ODAD2: variants seen among roughly 807,000 people sequenced by gnomAD.
ODAD2 encodes outer dynein arm docking complex subunit 2.
Under a neutral mutation model 106.8 loss-of-function variants are expected in ODAD2, and 89 were observed. The observed-to-expected ratio is 0.83, with a 90% CI of 0.70 to 0.99. The LOEUF is 0.99. ODAD2 is among the 50% of genes least tolerant of loss of function. The pLI, the probability that ODAD2 is intolerant of heterozygous loss-of-function variation, is 0.00. For missense variants in ODAD2, 1,168 were observed against 1,238.5 expected (o/e 0.94, Z 0.85); for synonymous variants, 404 against 436.2 (o/e 0.93, Z 0.92).
intron 7 of ODAD2, 129 bp from the exon 8 acceptor site, chr10:27,971,442 G>T: frequency 1.4e-6 from 1 of 731,904 alleles, no homozygotes. Flanking sequence ...CTTAGTAACA[G>T]CTAAACAAGG....
intron 16 of ODAD2, among the ~76,000 whole-genome samples, chr10:27,931,483 G>C (rs1845615837): frequency 6.6e-6 from 1 of 151,590 alleles, no homozygotes; most frequent in South Asian, 2.1e-4. Flanking sequence ...CACTTCACTT[G>C]TCTGTCTACC....
chr10:27,994,292 C>A (rs566163184), intron 2 of ODAD2, among the ~76,000 whole-genome samples: 1 of 152,016 alleles, frequency 6.6e-6, no homozygotes, highest in South Asian at 2.1e-4. Flanking sequence ...CCCCTCCCCG[C>A]CGCCTCCTGC....
intron 17 of ODAD2, among the ~76,000 whole-genome samples, chr10:27,868,566 C>T (rs534918526): frequency 7.9e-5 from 12 of 152,208 alleles, no homozygotes; most frequent in South Asian, 2.1e-4. Flanking sequence ...TCATCCTCAG[C>T]GAACTAACAC....
chr10:27,858,230 G>T (rs1231162101), intron 19 of ODAD2, among the ~76,000 whole-genome samples: 6 of 151,948 alleles, frequency 3.9e-5, no homozygotes, highest in Non-Finnish European at 8.8e-5. Context: ...CCTCCTTAAA[G>T]AAAACCAGAG....
chr10:27,897,842 C>G (rs180738680), intron 17 of ODAD2, among the ~76,000 whole-genome samples: 1 of 152,000 alleles, frequency 6.6e-6, no homozygotes, highest in Non-Finnish European at 1.5e-5. Context: ...AGAAATGGAA[C>G]AGGAAGAAGC....
At chr10:27,970,992 A>T (rs1848814061) in intron 8 of ODAD2, 116 bp downstream of exon 8, 1 of 373,390 alleles carries the variant, frequency 2.7e-6, no homozygotes, top group African/African-American at 2.5e-5. Flanking sequence ...ATAAATAAAT[A>T]AATAAATAAA....
intron 3 of ODAD2, 57 bp from the exon 4 acceptor site, chr10:27,985,268 A>C (rs1849810744): frequency 1.1e-5 from 15 of 1,325,480 alleles, no homozygotes; most frequent in Non-Finnish European, 1.4e-5. Context: ...CTTCTAGTAC[A>C]ACAAACATTA....
At chr10:27,861,699 T>C (rs1396398192) in intron 18 of ODAD2, among the ~76,000 whole-genome samples, 1 of 152,244 alleles carries the variant, frequency 6.6e-6, no homozygotes, top group African/African-American at 2.4e-5. Context: ...ATGCAGACGA[T>C]ATCCTTCTTT....
At chr10:27,894,844 T>A (rs1842764331) in intron 17 of ODAD2, among the ~76,000 whole-genome samples, 7 of 152,110 alleles carry the variant, frequency 4.6e-5, no homozygotes, top group Admixed American at 4.6e-4. Context: ...GGGTCACAGG[T>A]GTGAGCCACT....
At chr10:27,845,489 G>A (rs1303772671) in intron 19 of ODAD2, among the ~76,000 whole-genome samples, 1 of 152,158 alleles carries the variant, frequency 6.6e-6, no homozygotes, top group South Asian at 2.1e-4. Context: ...AAAGACCATC[G>A]ATGCTAGGAA....
rs1480701009 is a variant in ODAD2, at chr10:27,841,826, C to T, written c.3021+18799G>A. ...CTGGAGTATGGTAGTGCATTCACAG[C>T]TCACTGCAGCCTCGACCTCCCAGGC... On this transcript the variant is annotated intron_variant, in intron 19 of 19. Transcript: ENST00000305242. Among the ~76,000 whole-genome samples, 5 of 152,244 alleles carry T rather than the reference C, an allele frequency of 3.3e-5. No individual in the cohort carries two copies. The South Asian group carries it at 6.2e-4, about 19-fold the overall frequency.
chr10:27,964,718 T>C (rs1385580583), intron 9 of ODAD2, among the ~76,000 whole-genome samples: 4 of 152,154 alleles, frequency 2.6e-5, no homozygotes, highest in Non-Finnish European at 4.4e-5. Context: ...ATTACCTAAG[T>C]TCCCATTATT....
intron 10 of ODAD2, among the ~76,000 whole-genome samples, chr10:27,949,372 G>A (rs892952091): frequency 3.9e-5 from 6 of 152,136 alleles, no homozygotes; most frequent in Admixed American, 2.6e-4. Context: ...CATGGGGCAG[G>A]GGCATGGAGC....
At chr10:27,934,743 G>C (rs1845845326) in intron 16 of ODAD2, among the ~76,000 whole-genome samples, 1 of 152,062 alleles carries the variant, frequency 6.6e-6, no homozygotes, top group Non-Finnish European at 1.5e-5. Flanking sequence ...GAAAAGTTTT[G>C]TTGACTGAAT....
At position 27,939,882 on chromosome 10, in the gene ODAD2, G is replaced by A. The variant is rs1320756021; in HGVS notation, c.2097+15C>T. On this transcript the variant is annotated intron_variant, in intron 14 of 19. Coordinates refer to ENST00000305242, the MANE Select transcript of ODAD2 (RefSeq NM_018076.5). ...GAGAAAGAACGCCAACAACCGCTGG[G>A]AGAGTTCACTGCACCTGGTAAATGG... 6.5e-7 allele frequency: 1 copy of A among 1,530,184 alleles called. No individual in the cohort carries two copies. 94.8% of individuals were successfully genotyped at this position (1,530,184 alleles called of 1,614,324 possible).
Position 27,936,744 on chromosome 10 carries a change from C to T in ODAD2, c.2234G>A (p.Ser745Asn). 1 of 1,613,996 alleles carries T rather than the reference C, an allele frequency of 6.2e-7. No homozygotes were observed. Among genetic ancestry groups the T allele is most frequent in the Non-Finnish European group, 8.5e-7 (1 of 1,179,918 alleles). The stretch of plus-strand genomic sequence containing the variant: ...CTCTTACTTGGTAACATTCTCTTTG[C>T]TGATGGAACATTTCCATATAGCCCC... Reference protein sequence around the residue: ...VTGAIWKCSISKENVTKFREY... With the variant: ...VTGAIWKCSINKENVTKFREY... The change falls in exon 15 of 20, where the codon AGC (serine) becomes AAC (asparagine). Residue 745 changes from serine (S) to asparagine (N), a missense_variant. Around this residue, in one of 3 missense-constraint regions of ODAD2, gnomAD observed 701 missense variants for 712.3 expected, o/e 0.98. Transcript: ENST00000305242.
intron 14 of ODAD2, among the ~76,000 whole-genome samples, chr10:27,937,339 CTT>C (rs57375404): frequency 3.9e-4 from 52 of 132,740 alleles, no homozygotes; most frequent in African/African-American, 1.0e-3. Context: ...TTTCTTTTTT[CTT>C]TTTTTTTTTT....
intron 13 of ODAD2, among the ~76,000 whole-genome samples, 165 bp from the exon 14 acceptor site, chr10:27,940,172 CAT>C (rs758055274): frequency 6.6e-6 from 1 of 151,766 alleles, no homozygotes; most frequent in Non-Finnish European, 1.5e-5. Context: ...TTAATATACA[CAT>C]ATGTGTGTTT....
At chr10:27,885,769 TTATATAAAATATATATTATATATAATA>T (rs1371244661) in intron 17 of ODAD2, among the ~76,000 whole-genome samples, 4 of 38,392 alleles carry the variant, frequency 1.0e-4, no homozygotes, top group Non-Finnish European at 2.0e-4. Context: ...TTTATATATA[TTATATAAAATATATATTATATATAATA>T]TATATAAAAT....
Sources: gnomAD v4.1 joint callset for allele counts (sites outside exome capture counted in the v4.1 genomes callset) on GRCh38, gnomAD v4.1.1 for gene constraint, gnomAD v4.1.1 regional missense constraint, MANE v1.5 for transcripts, NCBI Gene and HGNC (gene_info 2026-07-23, HGNC 2026-07-21) for gene names.